Variants in SPDYA observed in about 807,000 individuals in gnomAD.
The protein encoded by SPDYA is speedy protein A.
Under a neutral mutation model 36.7 loss-of-function variants are expected in SPDYA, and 11 were observed. The ratio of observed to expected loss-of-function variants is 0.30; its 90% CI spans 0.19 to 0.50. SPDYA has a LOEUF of 0.50. Ranked by LOEUF, SPDYA falls within the 20% of genes least tolerant of loss-of-function variation. The pLI, the probability that SPDYA is intolerant of heterozygous loss-of-function variation, is 0.98. For missense variants in SPDYA, 287 were observed against 370.9 expected (o/e 0.77, Z 1.86); for synonymous variants, 115 against 118.7 (o/e 0.97, Z 0.20).
intron 6 of SPDYA, among the ~76,000 whole-genome samples, chr2:28,834,716 G>A (rs1045087686): frequency 1.3e-5 from 2 of 152,216 alleles, no homozygotes; most frequent in Admixed American, 6.5e-5. Flanking sequence ...TGGGCTGAGA[G>A]AAGGGAGAAA....
At chr2:28,822,643 G>A (rs1451377921) in intron 5 of SPDYA, among the ~76,000 whole-genome samples, 1 of 151,960 alleles carries the variant, frequency 6.6e-6, no homozygotes, top group Non-Finnish European at 1.5e-5. Flanking sequence ...GAATCTCGCT[G>A]TGTTGCCAGG....
At chr2:28,846,946 T>C (rs1002672655) in intron 7 of SPDYA, among the ~76,000 whole-genome samples, 5 of 152,154 alleles carry the variant, frequency 3.3e-5, no homozygotes, top group African/African-American at 1.2e-4. Flanking sequence ...CAATTGGGGA[T>C]TGACACAAAA....
intron 7 of SPDYA, 74 bp from the exon 8 acceptor site, chr2:28,849,776 T>C (rs1372610962): frequency 7.3e-6 from 6 of 826,086 alleles, no homozygotes; most frequent in Non-Finnish European, 1.1e-5. Context: ...TTAAGACATA[T>C]ACAAGCCATT....
rs1558331039 is a variant in SPDYA, at chr2:28,840,198, T to C, written c.579T>C (p.Tyr193=). Residue 193 remains tyrosine (Y), a synonymous_variant, in exon 7 of 8, where the codon TAT becomes TAC. Transcript: ENST00000334056. ...TTATGGCCATTGCACCAACCCATTA[T>C]ATCTGGCAAAGAGAACGTTCTGTTC... is the stretch of plus-strand genomic sequence containing the variant. The part of the protein sequence containing the change: ...EEVMAIAPTH[Y]IWQRERSVHH... 1 of 1,614,218 alleles carries C rather than the reference T, an allele frequency of 6.2e-7. No homozygotes were observed. Among genetic ancestry groups the C allele is most frequent in the Non-Finnish European group, 8.5e-7 (1 of 1,180,032 alleles).
chr2:28,827,068 A>G (rs1246679645), intron 5 of SPDYA, among the ~76,000 whole-genome samples: 2 of 148,338 alleles, frequency 1.3e-5, no homozygotes, highest in African/African-American at 5.0e-5. Flanking sequence ...CCTCCCGAGT[A>G]GCTGGGACTA....
chr2:28,821,725 T>C (rs996258710), intron 4 of SPDYA, among the ~76,000 whole-genome samples: 9 of 152,242 alleles, frequency 5.9e-5, no homozygotes, highest in Admixed American at 3.3e-4. Flanking sequence ...AACTTGTTTT[T>C]AATTTGAACA....
At chr2:28,827,977 T>TTTTTTTC (rs557347801) in intron 5 of SPDYA, among the ~76,000 whole-genome samples, 2 of 151,904 alleles carry the variant, frequency 1.3e-5, no homozygotes, top group South Asian at 2.1e-4. Context: ...TTTTTTCTTA[T>TTTTTTTC]TTTTTTCTTT....
chr2:28,821,823 C>T (rs1228092970), intron 4 of SPDYA, among the ~76,000 whole-genome samples: 2 of 152,176 alleles, frequency 1.3e-5, no homozygotes, highest in East Asian at 1.9e-4. Flanking sequence ...CATGAAAATA[C>T]AGCCATGTTA....
At chr2:28,840,047 A>T in intron 6 of SPDYA, 125 bp from the exon 7 acceptor site, 1 of 879,784 alleles carries the variant, frequency 1.1e-6, no homozygotes, top group East Asian at 2.8e-5. Flanking sequence ...TTTGTTTTTT[A>T]AATCAGCAAT....
rs1318942796 is a variant in SPDYA, at chr2:28,835,626, C to T, written c.553-4546C>T. On this transcript the variant is annotated intron_variant, in intron 6 of 7. Transcript: ENST00000334056. ...TTGTTGACTGATCAAATGAATGGAA[C>T]TTCCAATTCTTTTTCATACCTTCTT... Among the ~76,000 whole-genome samples, 3 of 152,194 alleles carry T rather than the reference C, an allele frequency of 2.0e-5. No homozygotes were observed. In the East Asian group the frequency reaches 5.8e-4, roughly 29 times the overall value.
intron 1 of SPDYA, among the ~76,000 whole-genome samples, chr2:28,812,982 C>T (rs1166948553): frequency 2.0e-5 from 3 of 151,224 alleles, no homozygotes; most frequent in African/African-American, 7.3e-5. Context: ...GGTTTTCGTT[C>T]CTTTCCTCTT....
chr2:28,819,849 AATATATATATATATATATATATATATAT>A lies in SPDYA; in HGVS notation c.294+770_294+797del, dbSNP rs200009876. 2.8e-3 allele frequency among the ~76,000 whole-genome samples: 50 copies of A among 17,802 alleles called. 1 individual carries two copies. The highest frequency in any genetic ancestry group is 6.8e-3 in the African/African-American group (26 of 3,850). The allele number at this position is 17,802 out of a possible 152,430, so 11.7% of individuals were successfully genotyped here. A position where few individuals can be genotyped will look rare whatever the true frequency, so the allele number is the denominator to read the frequency against. Reference sequence around the variant, plus strand: ...AAAAAAAAAAAAAAAAAAAAAAAAAAATATATATATATATATATATATATATATATATATATATATATATATATATATA... The same window carrying A: ...AAAAAAAAAAAAAAAAAAAAAAAAAAATATATATATATATATATATATATA... On this transcript the variant is annotated intron_variant, in intron 4 of 7. Transcript: ENST00000334056.
chr2:28,820,065 C>A (rs770234640), intron 4 of SPDYA, among the ~76,000 whole-genome samples: 2 of 150,470 alleles, frequency 1.3e-5, no homozygotes, highest in African/African-American at 2.4e-5. Context: ...AGACTTAATA[C>A]ATTTTGATCA....
rs2148115608 is a variant in SPDYA at position 28,850,555 on chromosome 2, T to C, written c.*614T>C. 1 of 585,968 alleles carries C rather than the reference T, an allele frequency of 1.7e-6. No homozygotes were observed. The highest frequency in any genetic ancestry group is 2.9e-5 in the East Asian group (1 of 34,706). The allele number at this position is 585,968 out of a possible 1,614,324, so 36.3% of individuals were successfully genotyped here. A position where few individuals can be genotyped will look rare whatever the true frequency, so the allele number is the denominator to read the frequency against. On this transcript the variant is annotated 3_prime_UTR_variant, in exon 8 of 8. Coordinates refer to ENST00000334056, the MANE Select transcript of SPDYA (RefSeq NM_182756.4). Reference sequence around the variant, plus strand: ...GTTTTAGAGCTACTCTGCCAGTTATTATACAGAAACTATTTGTCAATGATT... The same window carrying C: ...GTTTTAGAGCTACTCTGCCAGTTATCATACAGAAACTATTTGTCAATGATT...
At chr2:28,845,896 G>C (rs1668862003) in intron 7 of SPDYA, among the ~76,000 whole-genome samples, 1 of 152,124 alleles carries the variant, frequency 6.6e-6, no homozygotes, top group Admixed American at 6.5e-5. Context: ...TACTATGAAA[G>C]CTCTGATTTA....
chr2:28,817,237 C>G (rs1051856754), intron 3 of SPDYA, among the ~76,000 whole-genome samples: 3 of 152,152 alleles, frequency 2.0e-5, no homozygotes, highest in Non-Finnish European at 4.4e-5. Flanking sequence ...CGGGAAAATA[C>G]CTGGCTGTAC....
At position 28,850,277 on chromosome 2, in the gene SPDYA, A is replaced by C. The variant is rs1470590882; in HGVS notation, c.*336A>C. On this transcript the variant is annotated 3_prime_UTR_variant, in exon 8 of 8. Coordinates refer to ENST00000334056, the MANE Select transcript of SPDYA (RefSeq NM_182756.4). The stretch of plus-strand genomic sequence containing the variant: ...GAGAAGAAAAACATAAAGTCATTAT[A>C]TTAATTAAAAGAAAAAACACCATTT... 6.2e-7 allele frequency: 1 copy of C among 1,603,448 alleles called. No homozygotes were observed.
chr2:28,844,524 C>T (rs548063007), intron 7 of SPDYA, among the ~76,000 whole-genome samples: 28 of 152,244 alleles, frequency 1.8e-4, no homozygotes, highest in Non-Finnish European at 2.8e-4. Context: ...GACAGTGTAC[C>T]GCATTGCCAG....
At chr2:28,816,364 T>TC (rs1173508589) in intron 3 of SPDYA, 115 bp downstream of exon 3, 1 of 842,738 alleles carries the variant, frequency 1.2e-6, no homozygotes, top group Non-Finnish European at 1.7e-6. Context: ...GTATTAAATT[T>TC]CCCATCTCCA....
Sources: allele counts gnomAD v4.1 joint callset (sites outside exome capture counted in the v4.1 genomes callset), GRCh38; gene constraint gnomAD v4.1.1; transcripts MANE v1.5; gene names NCBI Gene and HGNC (gene_info 2026-07-23, HGNC 2026-07-21).